Variants in PAFAH1B2 observed in about 807,000 individuals in gnomAD.
PAFAH1B2 encodes the protein platelet activating factor acetylhydrolase 1b catalytic subunit 2, also known as platelet-activating factor acetylhydrolase IB subunit alpha2.
Under a neutral mutation model 28.0 loss-of-function variants are expected in PAFAH1B2, and 8 were observed. The observed-to-expected ratio is 0.29, with a 90% CI of 0.17 to 0.52. PAFAH1B2 has a LOEUF of 0.52. Among genes scored for constraint, PAFAH1B2 ranks in the 20% least tolerant of loss-of-function variants. PAFAH1B2 has a pLI of 0.97. For synonymous variants in PAFAH1B2, 104 were observed against 103.2 expected, an observed-to-expected ratio of 1.01 and a Z score of -0.05; for missense variants, 190 against 282.6, an observed-to-expected ratio of 0.67 and a Z score of 2.35.
chr11:117,171,633 C>G, downstream of PAFAH1B2: 1 of 1,336,610 alleles, frequency 7.5e-7, no homozygotes. Flanking sequence ...GTAAAGCAGC[C>G]GCCTCCAAAT....
At chr11:117,145,431 T>C (rs1355406244) in intron 1 of PAFAH1B2, among the ~76,000 whole-genome samples, 2 of 77,238 alleles carry the variant, frequency 2.6e-5, no homozygotes, top group Non-Finnish European at 5.6e-5. Flanking sequence ...CTTGAAATTA[T>C]GGGAAGGGGT....
chr11:117,153,894 G>C (rs1163008704), intron 2 of PAFAH1B2, among the ~76,000 whole-genome samples: 1 of 150,984 alleles, frequency 6.6e-6, no homozygotes, highest in Non-Finnish European at 1.5e-5. Flanking sequence ...ACCATATTCA[G>C]ATTTCTCCAG....
At chr11:117,163,922 G>A (rs1362830505) in intron 5 of PAFAH1B2, 30 bp downstream of exon 5, 4 of 1,607,946 alleles carry the variant, frequency 2.5e-6, no homozygotes, top group Non-Finnish European at 3.4e-6. Context: ...TAGAGAGTTT[G>A]TTATCTTTAG....
intron 1 of PAFAH1B2, among the ~76,000 whole-genome samples, chr11:117,151,135 G>T: frequency 6.6e-6 from 1 of 151,438 alleles, no homozygotes; most frequent in African/African-American, 2.4e-5. Context: ...TTTCTTATTT[G>T]TCTTTCTATT....
chr11:117,174,685 T>C (rs1956742064), downstream of PAFAH1B2, among the ~76,000 whole-genome samples: 1 of 151,282 alleles, frequency 6.6e-6, no homozygotes, highest in Non-Finnish European at 1.5e-5. Context: ...TCCATGTCTG[T>C]CAGGCTGGGC....
chr11:117,167,068 T>C (rs1483582517), intron 5 of PAFAH1B2, among the ~76,000 whole-genome samples: 1 of 152,218 alleles, frequency 6.6e-6, no homozygotes, highest in African/African-American at 2.4e-5. Flanking sequence ...AATGAATTGC[T>C]TTTGGATCAG....
chr11:117,146,372 C>T (rs1956009524), intron 1 of PAFAH1B2, among the ~76,000 whole-genome samples: 1 of 151,886 alleles, frequency 6.6e-6, no homozygotes, highest in African/African-American at 2.4e-5. Context: ...GGATAACAGG[C>T]GCAGGAAACC....
chr11:117,159,512 T>G (rs1278162236), intron 2 of PAFAH1B2: 3 of 155,126 alleles, frequency 1.9e-5, no homozygotes, highest in Non-Finnish European at 4.3e-5. Context: ...GTGGGCAGAT[T>G]GCTTGAGCTC....
chr11:117,170,315 C>T lies in PAFAH1B2; in HGVS notation c.*2616C>T, dbSNP rs1956621979. On this transcript the variant is annotated 3_prime_UTR_variant, in exon 6 of 6. Coordinates refer to ENST00000527958, the MANE Select transcript of PAFAH1B2 (RefSeq NM_002572.4). ...CAGAGATACTATTCTCTTCCTCTCC[C>T]AGCAAATTTGTATTCCTTCGCCCAC... The T allele has an allele frequency of 9.4e-7, 1 of 1,061,612 alleles. No homozygotes were observed. The highest frequency in any genetic ancestry group is 1.1e-6 in the Non-Finnish European group (1 of 877,684). 65.8% of individuals were successfully genotyped at this position (1,061,612 alleles called of 1,614,324 possible).
chr11:117,177,102 G>A (rs1232203061), downstream of PAFAH1B2, among the ~76,000 whole-genome samples: 1 of 152,010 alleles, frequency 6.6e-6, no homozygotes, highest in Non-Finnish European at 1.5e-5. Context: ...CCAGCTACTC[G>A]GGAGACTGAG....
intron 1 of PAFAH1B2, among the ~76,000 whole-genome samples, chr11:117,149,459 C>G (rs1186450278): frequency 6.0e-4 from 21 of 35,012 alleles, no homozygotes; most frequent in African/African-American, 2.0e-3. Context: ...TGGAGTCTCG[C>G]TCTGTCCCCC....
chr11:117,169,250 T>C lies in PAFAH1B2; in HGVS notation c.*1551T>C. 2.9e-6 allele frequency: 3 copies of C among 1,037,630 alleles called. No individual in the cohort carries two copies. The highest frequency in any genetic ancestry group is 3.5e-6 in the Non-Finnish European group (3 of 861,808). 64.3% of individuals were successfully genotyped at this position (1,037,630 alleles called of 1,614,324 possible). On this transcript the variant is annotated 3_prime_UTR_variant, in exon 6 of 6. Transcript: ENST00000527958. ...TGAGGTGTCTTATTAATGTACTTCA[T>C]CTGAGAATTTGTTGATCTTAATGTT...
intron 1 of PAFAH1B2, among the ~76,000 whole-genome samples, chr11:117,149,033 A>ATTTTTTTTTTTTT (rs71037462): frequency 9.3e-5 from 11 of 118,626 alleles, no homozygotes; most frequent in East Asian, 2.3e-4. Flanking sequence ...ACACCTGCCA[A>ATTTTTTTTTTTTT]TTTTTTTTTT....
rs1451203662 is a variant in PAFAH1B2 at position 117,167,742 on chromosome 11, C to G, written c.*43C>G. On this transcript the variant is annotated 3_prime_UTR_variant, in exon 6 of 6. Coordinates refer to ENST00000527958, the MANE Select transcript of PAFAH1B2 (RefSeq NM_002572.4). ...TAATAGCATCTCAGCTTCCTCAGAT[C>G]AGTTCTATCACTGGCACTACAGAAT... The G allele has an allele frequency of 1.4e-6, 2 of 1,467,690 alleles. No individual in the cohort carries two copies. The highest frequency in any genetic ancestry group is 1.4e-5 in the African/African-American group (1 of 71,118). 90.9% of individuals were successfully genotyped at this position (1,467,690 alleles called of 1,614,324 possible). A position where few individuals can be genotyped will look rare whatever the true frequency, so the allele number is the denominator to read the frequency against.
chr11:117,169,197 T>C lies in PAFAH1B2; in HGVS notation c.*1498T>C. 1 of 1,032,726 alleles carries C rather than the reference T, an allele frequency of 9.7e-7. No homozygotes were observed. The highest frequency in any genetic ancestry group is 4.6e-5 in the South Asian group (1 of 21,678). The allele number at this position is 1,032,726 out of a possible 1,614,324, so 64.0% of individuals were successfully genotyped here. On this transcript the variant is annotated 3_prime_UTR_variant, in exon 6 of 6. Transcript: ENST00000527958. ...TAGACACTACCTTTATCCCATCATTTTAGTAAAAACTAGGTTTGTTTCACT... is the reference window on the plus strand; with the variant it reads ...TAGACACTACCTTTATCCCATCATTCTAGTAAAAACTAGGTTTGTTTCACT...
In PAFAH1B2 at chr11:117,152,290, G is replaced by C. The variant is rs146629336; in HGVS notation, c.-7-151G>C. On this transcript the variant is annotated intron_variant, in intron 1 of 5. Transcript: ENST00000527958. ...TCATGTTCTGCAATTCATCTCTACA[G>C]AAAGTAATTGTTTCTGTTTAGTTTC... Among the ~76,000 whole-genome samples the C allele has an allele frequency of 6.4e-4, 98 of 152,308 alleles. No homozygotes were observed. The East Asian group carries it at 0.016, about 25-fold the overall frequency.
chr11:117,169,963 T>C lies in PAFAH1B2; in HGVS notation c.*2264T>C. The stretch of plus-strand genomic sequence containing the variant: ...AGCTGGCCCTCAGCTCCTTTGCTCA[T>C]GTGTACAAACCTCAGATGTTACTAC... On this transcript the variant is annotated 3_prime_UTR_variant, in exon 6 of 6. Transcript: ENST00000527958. 1.9e-6 allele frequency: 2 copies of C among 1,053,150 alleles called. No homozygotes were observed. The highest frequency in any genetic ancestry group is 2.3e-6 in the Non-Finnish European group (2 of 871,588). 65.2% of individuals were successfully genotyped at this position (1,053,150 alleles called of 1,614,324 possible).
chr11:117,162,778 GT>G (rs2134203218), intron 4 of PAFAH1B2, among the ~76,000 whole-genome samples: 1 of 151,924 alleles, frequency 6.6e-6, no homozygotes, highest in African/African-American at 2.4e-5. Context: ...AGAAAAATTT[GT>G]TAAAGTTGCA....
At chr11:117,154,444 A>G (rs1248369362) in intron 2 of PAFAH1B2, among the ~76,000 whole-genome samples, 3 of 152,222 alleles carry the variant, frequency 2.0e-5, no homozygotes, top group African/African-American at 7.2e-5. Context: ...TGGAGACAGA[A>G]TCTTGCTCTG....
Sources: gnomAD v4.1 joint callset for allele counts (sites outside exome capture counted in the v4.1 genomes callset) on GRCh38, gnomAD v4.1.1 for gene constraint, MANE v1.5 for transcripts, NCBI Gene and HGNC (gene_info 2026-07-23, HGNC 2026-07-21) for gene names.